The following ROBO1 variants were observed in gnomAD, a reference collection of about 807,000 sequenced individuals.
ROBO1 encodes the protein roundabout guidance receptor 1.
In ROBO1, 149 loss-of-function variants were observed where a neutral mutation model predicts 195.9. The observed-to-expected ratio is 0.76, with a 90% CI of 0.67 to 0.87. The LOEUF (loss-of-function observed/expected upper bound fraction) is 0.87. Ranked by LOEUF, ROBO1 falls within the 40% of genes least tolerant of loss-of-function variation. The pLI is 0.00. For missense variants in ROBO1, 1,933 were observed against 2,068.3 expected (o/e 0.93, Z 1.27); for synonymous variants, 816 against 733.2 (o/e 1.11, Z -1.82).
intron 2 of ROBO1, among the ~76,000 whole-genome samples, chr3:79,343,056 T>C (rs994729842): frequency 2.0e-5 from 3 of 152,186 alleles, no homozygotes; most frequent in African/African-American, 7.2e-5. Context: ...ACTGTTTTTG[T>C]AGTTTTGCCT....
chr3:79,006,368 C>T (rs2077621005), intron 3 of ROBO1, among the ~76,000 whole-genome samples: 1 of 151,994 alleles, frequency 6.6e-6, no homozygotes, highest in South Asian at 2.1e-4. Flanking sequence ...AGGTAAAACA[C>T]AGAAGATAAC....
At chr3:79,182,991 G>A (rs923977291) in intron 2 of ROBO1, among the ~76,000 whole-genome samples, 1 of 150,098 alleles carries the variant, frequency 6.7e-6, no homozygotes, top group Non-Finnish European at 1.5e-5. Flanking sequence ...TGAGGCAGGA[G>A]AATCGCTTGA....
chr3:78,640,471 C>T (rs1705873210), intron 21 of ROBO1, among the ~76,000 whole-genome samples: 1 of 152,150 alleles, frequency 6.6e-6, no homozygotes, highest in Admixed American at 6.5e-5. Flanking sequence ...GTTCTGTAAG[C>T]TTGTCAACAT....
chr3:79,177,969 T>A (rs565291325), intron 2 of ROBO1, among the ~76,000 whole-genome samples: 1 of 152,342 alleles, frequency 6.6e-6, no homozygotes, highest in African/African-American at 2.4e-5. Context: ...TACAAGATCA[T>A]GTGGCCAATT....
At chr3:78,790,707 A>C (rs762594904) in intron 4 of ROBO1, among the ~76,000 whole-genome samples, 19 of 152,174 alleles carry the variant, frequency 1.2e-4, no homozygotes, top group Non-Finnish European at 1.8e-4. Flanking sequence ...GAAAGTCCCA[A>C]GGTAAGGAAG....
intron 4 of ROBO1, among the ~76,000 whole-genome samples, chr3:78,890,045 C>T (rs983254089): frequency 4.6e-5 from 7 of 151,904 alleles, no homozygotes; most frequent in Non-Finnish European, 7.3e-5. Flanking sequence ...GACTTTCCTC[C>T]GTAGAGCTCA....
rs532553201 is a variant in ROBO1 at position 78,639,713 on chromosome 3, A to G, written c.3037+31T>C. 1.2e-5 allele frequency: 19 copies of G among 1,592,890 alleles called. 1 individual carries two copies. The South Asian group carries it at 2.1e-4, about 18-fold the overall frequency. On this transcript the variant is annotated intron_variant, in intron 22 of 30. Coordinates refer to ENST00000464233, the MANE Select transcript of ROBO1 (RefSeq NM_002941.4). ...TTCTGGCTAGTTCCTTAAAAAGCTT[A>G]TACATATCAGGCTCTCTCTGTGTCC...
intron 2 of ROBO1, among the ~76,000 whole-genome samples, chr3:79,402,783 TTTAA>T (rs2037412758): frequency 6.6e-6 from 1 of 151,994 alleles, no homozygotes; most frequent in African/African-American, 2.4e-5. Context: ...TTGGAAACTT[TTTAA>T]TTGTTTTCTC....
At chr3:78,864,619 T>A (rs2035051686) in intron 4 of ROBO1, among the ~76,000 whole-genome samples, 1 of 152,110 alleles carries the variant, frequency 6.6e-6, no homozygotes, top group Non-Finnish European at 1.5e-5. Flanking sequence ...GTATTTTGAA[T>A]TAAATGTAAC....
chr3:79,724,104 T>C (rs1702812288), intron 1 of ROBO1, among the ~76,000 whole-genome samples: 1 of 152,238 alleles, frequency 6.6e-6, no homozygotes, highest in Non-Finnish European at 1.5e-5. Context: ...GTTTAGCATG[T>C]CACTAACATT....
intron 4 of ROBO1, among the ~76,000 whole-genome samples, chr3:78,785,328 C>G (rs1300902918): frequency 6.6e-6 from 1 of 152,094 alleles, no homozygotes; most frequent in Non-Finnish European, 1.5e-5. Flanking sequence ...AACTTCAGTG[C>G]AGTGGGGATC....
At chr3:79,722,746 T>G (rs191895128) in intron 1 of ROBO1, among the ~76,000 whole-genome samples, 106 of 152,298 alleles carry the variant, frequency 7.0e-4, no homozygotes, top group African/African-American at 2.4e-3. Flanking sequence ...GTATCTCCAC[T>G]GTCATTGTCA....
In ROBO1 at chr3:78,955,518, T is replaced by C. The variant is rs546830140; in HGVS notation, c.173-16591A>G. Among the ~76,000 whole-genome samples, 284 of 152,264 alleles carry C rather than the reference T, an allele frequency of 1.9e-3. 1 individual carries two copies. The highest frequency in any genetic ancestry group is 6.6e-3 in the African/African-American group (276 of 41,576). On this transcript the variant is annotated intron_variant, in intron 3 of 30. Transcript: ENST00000464233. ...AACCATAGGAGGGTTTTTAAAATTA[T>C]AATTAAAGTAATATTTATGAGTTCT...
chr3:78,867,408 AT>A (rs1241801747), intron 4 of ROBO1, among the ~76,000 whole-genome samples: 8 of 152,018 alleles, frequency 5.3e-5, no homozygotes, highest in South Asian at 2.1e-4. Context: ...AAAGTGTTTG[AT>A]TTTTTTTCCC....
At chr3:79,103,057 C>G (rs977511293) in intron 3 of ROBO1, among the ~76,000 whole-genome samples, 2 of 151,678 alleles carry the variant, frequency 1.3e-5, no homozygotes, top group Admixed American at 1.3e-4. Flanking sequence ...GTAAAAGATT[C>G]AATCACATTA....
chr3:79,164,593 T>C (rs2081029941), intron 2 of ROBO1, among the ~76,000 whole-genome samples: 1 of 152,184 alleles, frequency 6.6e-6, no homozygotes, highest in South Asian at 2.1e-4. Flanking sequence ...TGCACCTTAG[T>C]ATTCTTTTAA....
chr3:78,967,075 T>C (rs1560061123), intron 3 of ROBO1, among the ~76,000 whole-genome samples: 1 of 152,274 alleles, frequency 6.6e-6, no homozygotes, highest in East Asian at 1.9e-4. Context: ...AAATGCTAGG[T>C]ATCCAGTTTC....
At chr3:79,744,612 C>A (rs1313536620) in intron 1 of ROBO1, among the ~76,000 whole-genome samples, 3 of 152,120 alleles carry the variant, frequency 2.0e-5, no homozygotes, top group Non-Finnish European at 2.9e-5. Context: ...GCACCCTGAT[C>A]TCAAAGTTCT....
intron 4 of ROBO1, among the ~76,000 whole-genome samples, chr3:78,751,162 C>T (rs1239206579): frequency 6.6e-6 from 1 of 152,124 alleles, no homozygotes; most frequent in East Asian, 1.9e-4. Flanking sequence ...GAACTACATA[C>T]AATGCCTTTA....
Sources: allele counts gnomAD v4.1 joint callset (sites outside exome capture counted in the v4.1 genomes callset), GRCh38; gene constraint gnomAD v4.1.1; transcripts MANE v1.5; gene names NCBI Gene and HGNC (gene_info 2026-07-23, HGNC 2026-07-21).